CCDC60: variants seen among roughly 807,000 people sequenced by gnomAD.
The protein encoded by CCDC60 is coiled-coil domain-containing protein 60.
In CCDC60, 54 loss-of-function variants were observed where a neutral mutation model predicts 63.5. The observed-to-expected ratio is 0.85, with a 90% CI of 0.68 to 1.07. CCDC60 has a LOEUF of 1.07. CCDC60 is among the 50% of genes least tolerant of loss of function. CCDC60 has a pLI of 0.00. For missense variants in CCDC60, 651 were observed against 684.3 expected (o/e 0.95, Z 0.54); for synonymous variants, 206 against 238.8 (o/e 0.86, Z 1.27).
At chr12:119,400,077 T>C (rs1321591626) in intron 1 of CCDC60, among the ~76,000 whole-genome samples, 1 of 134,440 alleles carries the variant, frequency 7.4e-6, no homozygotes, top group Admixed American at 8.3e-5. Context: ...TGAGACGGAG[T>C]CTCACTCTGT....
chr12:119,357,391 C>T (rs949606372), intron 1 of CCDC60, among the ~76,000 whole-genome samples: 5 of 152,074 alleles, frequency 3.3e-5, no homozygotes, highest in Non-Finnish European at 5.9e-5. Flanking sequence ...TCTCTCCATT[C>T]CCAACACCCA....
intron 5 of CCDC60, among the ~76,000 whole-genome samples, chr12:119,494,086 T>C (rs1951661646): frequency 6.6e-6 from 1 of 152,214 alleles, no homozygotes; most frequent in Non-Finnish European, 1.5e-5. Flanking sequence ...ACTCTTTGGA[T>C]TTTGGAATTG....
chr12:119,417,632 G>C (rs12811716), intron 1 of CCDC60, among the ~76,000 whole-genome samples: 11,434 of 152,166 alleles, frequency 0.075, 557 homozygotes, highest in Middle Eastern at 0.11. Flanking sequence ...GCCCCAGAGA[G>C]CCCAGTAAAG....
chr12:119,527,592 A>G (rs1219505744), intron 11 of CCDC60, among the ~76,000 whole-genome samples: 1 of 151,748 alleles, frequency 6.6e-6, no homozygotes, highest in African/African-American at 2.4e-5. Flanking sequence ...CCAGATTATA[A>G]AAGGCTGTGA....
intron 1 of CCDC60, among the ~76,000 whole-genome samples, chr12:119,340,888 AT>A (rs1429574749): frequency 6.6e-6 from 1 of 152,184 alleles, no homozygotes; most frequent in African/African-American, 2.4e-5. Context: ...CCTGAAAAAA[AT>A]AAAACAAAAT....
intron 13 of CCDC60, among the ~76,000 whole-genome samples, chr12:119,539,380 T>C (rs527712314): frequency 6.6e-6 from 1 of 152,232 alleles, no homozygotes; most frequent in Non-Finnish European, 1.5e-5. Context: ...CTTTCAGAGA[T>C]GCCCTGCCCA....
At chr12:119,514,928 A>G (rs933311775) in intron 7 of CCDC60, among the ~76,000 whole-genome samples, 2 of 152,222 alleles carry the variant, frequency 1.3e-5, no homozygotes, top group African/African-American at 4.8e-5. Context: ...CCCTAGATAC[A>G]CAAATACTTA....
rs367793604 is a variant in CCDC60 at position 119,335,339 on chromosome 12, G to T, written c.90+73G>T. The T allele has an allele frequency of 1.4e-5, 16 of 1,149,632 alleles. No individual in the cohort carries two copies. In the African/African-American group the frequency reaches 2.0e-4, roughly 15 times the overall value. The allele number at this position is 1,149,632 out of a possible 1,614,324, so 71.2% of individuals were successfully genotyped here. Reference sequence around the variant, plus strand: ...AAATAGGAATTAGCTGGGTCAAATGGTATTTCTAGTTCTAGATCCCTGAGG... The same window carrying T: ...AAATAGGAATTAGCTGGGTCAAATGTTATTTCTAGTTCTAGATCCCTGAGG... On this transcript the variant is annotated intron_variant, in intron 1 of 13. Coordinates refer to ENST00000327554, the MANE Select transcript of CCDC60 (RefSeq NM_178499.5).
intron 5 of CCDC60, among the ~76,000 whole-genome samples, chr12:119,491,071 C>T (rs1305258249): frequency 6.6e-6 from 1 of 152,204 alleles, no homozygotes; most frequent in African/African-American, 2.4e-5. Flanking sequence ...TAAACAGTCA[C>T]ATTTTTTAAC....
intron 1 of CCDC60, among the ~76,000 whole-genome samples, chr12:119,376,998 T>G (rs1800432507): frequency 6.6e-6 from 1 of 152,072 alleles, no homozygotes; most frequent in Admixed American, 6.6e-5. Context: ...CTCACACCTG[T>G]AAACCCAGCA....
intron 2 of CCDC60, among the ~76,000 whole-genome samples, chr12:119,455,227 G>A (rs1424494038): frequency 1.3e-5 from 2 of 152,342 alleles, no homozygotes; most frequent in African/African-American, 4.8e-5. Context: ...ATACTTGGTA[G>A]GCAACTGGCA....
intron 1 of CCDC60, among the ~76,000 whole-genome samples, chr12:119,408,020 T>C (rs1399743323): frequency 1.3e-5 from 2 of 152,240 alleles, no homozygotes; most frequent in African/African-American, 4.8e-5. Flanking sequence ...AAAAGGTTTT[T>C]TTTAAATGCA....
chr12:119,464,611 G>T (rs1315309407), intron 2 of CCDC60, among the ~76,000 whole-genome samples: 1 of 152,084 alleles, frequency 6.6e-6, no homozygotes, highest in Non-Finnish European at 1.5e-5. Flanking sequence ...TGGGAGGTCA[G>T]ACACACCTCA....
At chr12:119,540,559 G>C in intron 13 of CCDC60, 55 bp from the exon 14 acceptor site, 2 of 1,236,110 alleles carry the variant, frequency 1.6e-6, no homozygotes, top group Non-Finnish European at 2.4e-6. Flanking sequence ...GGGAGAGAAG[G>C]TGGAGTCTAC....
intron 1 of CCDC60, among the ~76,000 whole-genome samples, chr12:119,345,357 C>G (rs1033860762): frequency 6.6e-6 from 1 of 152,068 alleles, no homozygotes; most frequent in African/African-American, 2.4e-5. Context: ...CCAAAATTAG[C>G]CAGGTGTGGT....
intron 2 of CCDC60, among the ~76,000 whole-genome samples, chr12:119,469,410 G>T (rs1160660465): frequency 6.6e-6 from 1 of 151,928 alleles, no homozygotes; most frequent in Admixed American, 6.6e-5. Flanking sequence ...AGAGGCACCC[G>T]CCACCACCCT....
At chr12:119,416,649 A>G (rs1159355873) in intron 1 of CCDC60, among the ~76,000 whole-genome samples, 2 of 152,328 alleles carry the variant, frequency 1.3e-5, no homozygotes, top group East Asian at 1.9e-4. Flanking sequence ...CTTCAAAACA[A>G]CTCTATAGGT....
At chr12:119,350,281 AC>A (rs1955643256) in intron 1 of CCDC60, among the ~76,000 whole-genome samples, 1 of 151,848 alleles carries the variant, frequency 6.6e-6, no homozygotes, top group Non-Finnish European at 1.5e-5. Context: ...CACTGCAACC[AC>A]CGCCTCCTGG....
intron 1 of CCDC60, among the ~76,000 whole-genome samples, chr12:119,378,641 G>T (rs1189379688): frequency 6.6e-6 from 1 of 152,198 alleles, no homozygotes; most frequent in African/African-American, 2.4e-5. Context: ...ACCCAGGTCT[G>T]TCCATGCTCT....
Sources: gnomAD v4.1 joint callset for allele counts (sites outside exome capture counted in the v4.1 genomes callset) on GRCh38, gnomAD v4.1.1 for gene constraint, MANE v1.5 for transcripts, NCBI Gene and HGNC (gene_info 2026-07-23, HGNC 2026-07-21) for gene names.